The following PIWIL4 variants were observed in gnomAD, a reference collection of about 807,000 sequenced individuals.
PIWIL4 encodes piwi-like protein 4.
PIWIL4 carries 50 observed loss-of-function variants against 100.9 expected under a neutral mutation model. The observed-to-expected ratio is 0.50, with a 90% CI of 0.39 to 0.63. The LOEUF (loss-of-function observed/expected upper bound fraction) is 0.63, where lower values mean the gene tolerates loss of function less well. Ranked by LOEUF, PIWIL4 falls within the 20% of genes least tolerant of loss-of-function variation. The probability of loss-of-function intolerance (pLI) is 0.00; values close to 1 mark genes in which losing one functional copy is unlikely to be tolerated. For synonymous variants in PIWIL4, 342 were observed against 367.5 expected, an observed-to-expected ratio of 0.93 and a Z score of 0.79; for missense variants, 887 against 1,043.3, an observed-to-expected ratio of 0.85 and a Z score of 2.06.
intron 13 of PIWIL4, among the ~76,000 whole-genome samples, chr11:94,605,746 G>T (rs694731): frequency 6.6e-6 from 1 of 151,778 alleles, no homozygotes; most frequent in African/African-American, 2.4e-5. Context: ...CCATTTATTC[G>T]TTTGTTTCTT....
intron 10 of PIWIL4, 94 bp downstream of exon 10, chr11:94,595,520 A>G (rs574426499): frequency 3.6e-5 from 35 of 964,972 alleles, no homozygotes; most frequent in Non-Finnish European, 5.5e-5. Flanking sequence ...GAAATGTGTC[A>G]TTCATATTGA....
At chr11:94,606,197 C>A (rs1022521953) in intron 13 of PIWIL4, among the ~76,000 whole-genome samples, 1 of 152,178 alleles carries the variant, frequency 6.6e-6, no homozygotes, top group Non-Finnish European at 1.5e-5. Flanking sequence ...CAGTCTCACT[C>A]GGCTCCCATC....
At chr11:94,606,786 A>G (rs1252410783) in intron 13 of PIWIL4, among the ~76,000 whole-genome samples, 1 of 150,284 alleles carries the variant, frequency 6.7e-6, no homozygotes, top group Non-Finnish European at 1.5e-5. Flanking sequence ...GTGAGCCAAG[A>G]TCGTGCCACT....
rs763692890 is a variant in PIWIL4, at chr11:94,595,385, C to G, written c.1227C>G (p.Gly409=). The G allele has an allele frequency of 2.5e-6, 4 of 1,613,858 alleles. No individual in the cohort carries two copies. The East Asian group carries it at 6.7e-5, about 27-fold the overall frequency. ...VAEKTRLSPS[G]RQQRLARLVD... ...AAAAGACACGTCTCAGTCCTTCAGG[C>G]CGGCAGCAGCGCCTGGCCAGGCTTG... Residue 409 remains glycine (G), a synonymous_variant, in exon 10 of 20, where the codon GGC becomes GGG. Transcript: ENST00000299001.
At chr11:94,602,093 G>A (rs1948650422) in intron 12 of PIWIL4, 114 bp downstream of exon 12, 3 of 984,556 alleles carry the variant, frequency 3.0e-6, no homozygotes, top group East Asian at 5.1e-5. Context: ...CTAATGTAAA[G>A]TGCCAAGAAA....
chr11:94,593,189 A>G (rs1229569214), intron 8 of PIWIL4, among the ~76,000 whole-genome samples: 1 of 152,224 alleles, frequency 6.6e-6, no homozygotes, highest in Admixed American at 6.5e-5. Context: ...CATCAGTAGT[A>G]GAAATGCTGG....
At chr11:94,587,873 A>C (rs1204537014) in intron 7 of PIWIL4, among the ~76,000 whole-genome samples, 1 of 152,198 alleles carries the variant, frequency 6.6e-6, no homozygotes, top group Non-Finnish European at 1.5e-5. Context: ...CATTGAGCTG[A>C]GTTAAACACG....
intron 4 of PIWIL4, among the ~76,000 whole-genome samples, chr11:94,577,930 A>G (rs770486424): frequency 9.9e-5 from 15 of 152,180 alleles, no homozygotes; most frequent in Non-Finnish European, 1.5e-4. Flanking sequence ...GAATGAGTAG[A>G]AGCATTGTTG....
chr11:94,570,918 C>CA lies in PIWIL4; in HGVS notation c.166+2118dup, dbSNP rs202046230. Among the ~76,000 whole-genome samples the CA allele has an allele frequency of 2.8e-3, 424 of 151,670 alleles. 2 individuals are homozygous for CA. Among genetic ancestry groups the CA allele is most frequent in the South Asian group, 0.015 (70 of 4,808 alleles). ...AAAAACAAAAACAAAAACAAACAAACAAAAAAAACAATTTAGTCATCTCTT... is the reference window on the plus strand; with the variant it reads ...AAAAACAAAAACAAAAACAAACAAACAAAAAAAAACAATTTAGTCATCTCTT... On this transcript the variant is annotated intron_variant, in intron 2 of 19. Transcript: ENST00000299001.
chr11:94,603,265 T>C (rs489591), intron 12 of PIWIL4, among the ~76,000 whole-genome samples: 78,898 of 151,948 alleles, frequency 0.52, 23,017 homozygotes, highest in African/African-American at 0.81. Context: ...GATGGTCCTG[T>C]CACCTGCTGG....
chr11:94,583,291 C>T (rs370975662), intron 4 of PIWIL4, among the ~76,000 whole-genome samples, 157 bp from the exon 5 acceptor site: 18 of 152,144 alleles, frequency 1.2e-4, no homozygotes, highest in African/African-American at 4.3e-4. Flanking sequence ...AGAAAAAAAG[C>T]CCTCTGAACA....
intron 4 of PIWIL4, among the ~76,000 whole-genome samples, chr11:94,581,144 C>T (rs1211848316): frequency 6.6e-6 from 1 of 152,120 alleles, no homozygotes; most frequent in African/African-American, 2.4e-5. Context: ...AGGTGATCCA[C>T]CCGCCTCAGC....
rs143964593 is a variant in PIWIL4 at position 94,585,166 on chromosome 11, G to T, written c.636-279G>T. On this transcript the variant is annotated intron_variant, in intron 5 of 19. Transcript: ENST00000299001. The stretch of plus-strand genomic sequence containing the variant: ...TCACCCCATCCAAGCTAACCAGAAT[G>T]TTACTACCCATAATGGCTAATTGAC... Among the ~76,000 whole-genome samples, 72 of 152,318 alleles carry T rather than the reference G, an allele frequency of 4.7e-4. No homozygotes were observed. The East Asian group carries it at 0.014, about 29-fold the overall frequency.
In PIWIL4 at chr11:94,620,025, G is replaced by A. The variant is rs1419424337; in HGVS notation, c.2323G>A (p.Ala775Thr). 8 of 1,613,958 alleles carry A rather than the reference G, an allele frequency of 5.0e-6. No homozygotes were observed. The highest frequency in any genetic ancestry group is 1.3e-5 in the African/African-American group (1 of 74,910). Residue 775 changes from alanine to threonine, a missense_variant, in exon 19 of 20, where the codon GCC (alanine) becomes ACC (threonine). By Grantham distance (58) the Ala-to-Thr change is moderately conservative. Transcript: ENST00000299001. ...WYDFYLISQVACRGTVSPTYY... is the reference protein window; with the variant it reads ...WYDFYLISQVTCRGTVSPTYY... ...TGACTTTTATCTGATCAGCCAGGTGGCCTGCCGGGGAACTGTTAGTCCTAC... is the reference window on the plus strand; with the variant it reads ...TGACTTTTATCTGATCAGCCAGGTGACCTGCCGGGGAACTGTTAGTCCTAC...
chr11:94,620,091 G>A lies in PIWIL4; in HGVS notation c.2389G>A (p.Asp797Asn), dbSNP rs766054530. The change falls in exon 19 of 20, where the codon GAC becomes AAC. Residue 797 changes from aspartate to asparagine, a missense_variant. Transcript: ENST00000299001. ...CTATGATGACAACGGCTTGAAGCCC[G>A]ACCATATGCAGAGACTTACATTCAA... is the stretch of plus-strand genomic sequence containing the variant. ...VIYDDNGLKP[D>N]HMQRLTFKLC... 6.2e-6 allele frequency: 10 copies of A among 1,613,168 alleles called. No homozygotes were observed. Among genetic ancestry groups the A allele is most frequent in the African/African-American group, 1.3e-5 (1 of 74,872 alleles).
At chr11:94,578,189 C>T (rs148697744) in intron 4 of PIWIL4, among the ~76,000 whole-genome samples, 31 of 152,168 alleles carry the variant, frequency 2.0e-4, no homozygotes, top group African/African-American at 6.7e-4. Flanking sequence ...TCTTCAGGAT[C>T]GTACTGGTAA....
intron 15 of PIWIL4, among the ~76,000 whole-genome samples, chr11:94,608,901 G>A (rs562516299): frequency 6.6e-6 from 1 of 152,266 alleles, no homozygotes. Flanking sequence ...ATTCATTAGG[G>A]TGAGCTATTG....
intron 17 of PIWIL4, among the ~76,000 whole-genome samples, chr11:94,618,558 G>C (rs1948870614): frequency 6.6e-6 from 1 of 152,242 alleles, no homozygotes; most frequent in Non-Finnish European, 1.5e-5. Context: ...AAGGGTTTGA[G>C]TGCCATGAAA....
chr11:94,617,826 TTATG>T, intron 16 of PIWIL4, 124 bp from the exon 17 acceptor site: 1 of 933,382 alleles, frequency 1.1e-6, no homozygotes, highest in Non-Finnish European at 1.7e-6. Context: ...ATAACCCAAA[TTATG>T]TATTGCCCTA....
Sources: allele counts gnomAD v4.1 joint callset (sites outside exome capture counted in the v4.1 genomes callset), GRCh38; gene constraint gnomAD v4.1.1; transcripts MANE v1.5; gene names NCBI Gene and HGNC (gene_info 2026-07-23, HGNC 2026-07-21).